Variants in ADAM2 observed in about 807,000 individuals in gnomAD.
ADAM2 encodes the protein disintegrin and metalloproteinase domain-containing protein 2.
A neutral mutation model predicts 99.3 loss-of-function variants in ADAM2; 101 were observed. That is an observed-to-expected ratio of 1.02 (90% CI 0.87 to 1.20). The LOEUF is 1.20. Ranked by LOEUF, ADAM2 falls within the 50% of genes most tolerant of loss-of-function variation. The pLI is 0.00. For missense variants in ADAM2, 948 were observed against 878.7 expected, an observed-to-expected ratio of 1.08 and a Z score of -1.00; for synonymous variants, 323 against 287.6, an observed-to-expected ratio of 1.12 and a Z score of -1.25.
At chr8:39,821,914 T>G (rs1485365836) in intron 4 of ADAM2, among the ~76,000 whole-genome samples, 1 of 152,208 alleles carries the variant, frequency 6.6e-6, no homozygotes, top group Non-Finnish European at 1.5e-5. Flanking sequence ...TTGTTAAGAA[T>G]GAGGTAAACA....
Position 39,788,566 on chromosome 8 carries a change from CCTT to C in ADAM2, c.642+100_642+102del. On this transcript the variant is annotated intron_variant, in intron 8 of 20. Transcript: ENST00000265708. Reference sequence around the variant, plus strand: ...AAAATTTAAAATAAAACTTAATTTCCCTTATGCCACACAACGTGTGGATTCATG... The same window carrying C: ...AAAATTTAAAATAAAACTTAATTTCCATGCCACACAACGTGTGGATTCATG... 7 of 756,848 alleles carry C rather than the reference CCTT, an allele frequency of 9.2e-6. No individual in the cohort carries two copies. In the Admixed American group the frequency reaches 2.1e-4, roughly 23 times the overall value. 46.9% of individuals were successfully genotyped at this position (756,848 alleles called of 1,614,324 possible).
Position 39,836,855 on chromosome 8 carries a change from T to A in ADAM2, c.132+281A>T, listed in dbSNP as rs116217011. Among the ~76,000 whole-genome samples the A allele has an allele frequency of 3.9e-3, 593 of 152,194 alleles. 8 individuals are homozygous for A. Among genetic ancestry groups the A allele is most frequent in the African/African-American group, 0.014 (561 of 41,524 alleles). ...GCCTGAACGGTGAGTGAGAACAGAA[T>A]CTCTAGAACAATCAAGCCAATGATT... On this transcript the variant is annotated intron_variant, in intron 2 of 20. Coordinates refer to ENST00000265708, the MANE Select transcript of ADAM2 (RefSeq NM_001464.5).
intron 3 of ADAM2, among the ~76,000 whole-genome samples, chr8:39,825,779 A>T (rs1304936812): frequency 6.6e-6 from 1 of 152,190 alleles, no homozygotes; most frequent in African/African-American, 2.4e-5. Context: ...AAAAGTCAGA[A>T]AACAATGGAA....
chr8:39,788,212 A>G lies in ADAM2; in HGVS notation c.682T>C (p.Leu228=), dbSNP rs766436527. 4 of 1,566,690 alleles carry G rather than the reference A, an allele frequency of 2.6e-6. No individual in the cohort carries two copies. Among genetic ancestry groups the G allele is most frequent in the African/African-American group, 2.7e-5 (2 of 73,240 alleles). ...SFNITIILSS[L]ELWIDENKIA... ...TTATTTTCATCTATCCAAAGCTCCA[A>G]TGAAGACAGAATAATTGTAATATTA... The change falls in exon 9 of 21, where the codon TTG becomes CTG. Residue 228 remains leucine (L), a synonymous_variant. Coordinates refer to ENST00000265708, the MANE Select transcript of ADAM2 (RefSeq NM_001464.5).
Position 39,770,732 on chromosome 8 carries a change from T to G in ADAM2, c.1029-1157A>C, listed in dbSNP as rs571186763. On this transcript the variant is annotated intron_variant, in intron 11 of 20. Transcript: ENST00000265708. ...GTTTGTACTCCTAATATTTTCAAAT[T>G]CACTACAGGGAAATTCCAACTGCCT... is the stretch of plus-strand genomic sequence containing the variant. Among the ~76,000 whole-genome samples, 11 of 152,324 alleles carry G rather than the reference T, an allele frequency of 7.2e-5. No homozygotes were observed. In the South Asian group the frequency reaches 2.3e-3, roughly 32 times the overall value.
chr8:39,782,135 T>C (rs1480041498), intron 10 of ADAM2, among the ~76,000 whole-genome samples: 1 of 152,220 alleles, frequency 6.6e-6, no homozygotes, highest in Non-Finnish European at 1.5e-5. Context: ...AGCTTCATGA[T>C]CTTAGAATGG....
intron 3 of ADAM2, among the ~76,000 whole-genome samples, chr8:39,832,283 A>G (rs139413843): frequency 1.5e-3 from 225 of 152,268 alleles, no homozygotes; most frequent in Middle Eastern, 3.4e-3. Flanking sequence ...TTTGAAAGTA[A>G]ATATCGTTAT....
chr8:39,825,308 T>C (rs928142702), intron 3 of ADAM2, among the ~76,000 whole-genome samples: 1 of 152,218 alleles, frequency 6.6e-6, no homozygotes, highest in African/African-American at 2.4e-5. Flanking sequence ...TTTTAAACCA[T>C]ACTCTAAATT....
intron 14 of ADAM2, among the ~76,000 whole-genome samples, chr8:39,765,864 T>C (rs1802546449): frequency 6.6e-6 from 1 of 152,250 alleles, no homozygotes; most frequent in South Asian, 2.1e-4. Flanking sequence ...GACTTGCAAC[T>C]TGTTCCAGTT....
At chr8:39,780,684 A>C (rs1034192688) in intron 10 of ADAM2, among the ~76,000 whole-genome samples, 9 of 152,224 alleles carry the variant, frequency 5.9e-5, no homozygotes, top group Admixed American at 4.6e-4. Flanking sequence ...ATATATGTTC[A>C]GGATCATTAT....
chr8:39,787,575 TAA>T (rs1293442657), intron 9 of ADAM2, among the ~76,000 whole-genome samples: 1 of 71,732 alleles, frequency 1.4e-5, no homozygotes, highest in Non-Finnish European at 2.5e-5. Flanking sequence ...TATACACACA[TAA>T]TATATGTATA....
chr8:39,748,664 CACAGGGA>C (rs2129582690), intron 18 of ADAM2, among the ~76,000 whole-genome samples: 1 of 152,268 alleles, frequency 6.6e-6, no homozygotes, highest in East Asian at 1.9e-4. Flanking sequence ...TGATCAATAT[CACAGGGA>C]ACCGCACTGC....
At position 39,780,530 on chromosome 8, in the gene ADAM2, C is replaced by T. The variant is rs149559870; in HGVS notation, c.892-3369G>A. Among the ~76,000 whole-genome samples the T allele has an allele frequency of 8.7e-3, 1,325 of 152,220 alleles. 5 individuals carry two copies. The highest frequency in any genetic ancestry group is 0.013 in the Non-Finnish European group (857 of 68,000). ...CAAAAATCTGCACATTAACCTCTGC[C>T]ACCCAATAATTGCAAACAGCCCAGT... On this transcript the variant is annotated intron_variant, in intron 10 of 20. Transcript: ENST00000265708.
chr8:39,802,869 G>C (rs1358177965), intron 7 of ADAM2, among the ~76,000 whole-genome samples: 4 of 152,078 alleles, frequency 2.6e-5, no homozygotes, highest in Non-Finnish European at 4.4e-5. Flanking sequence ...TTTTTCTTTT[G>C]TTATTTTAGT....
At chr8:39,788,052 G>C in intron 9 of ADAM2, 33 bp downstream of exon 9, 1 of 1,338,480 alleles carries the variant, frequency 7.5e-7, no homozygotes, top group Non-Finnish European at 9.7e-7. Flanking sequence ...ATTTTCTTCA[G>C]ATAAACTTTA....
intron 15 of ADAM2, among the ~76,000 whole-genome samples, chr8:39,759,413 A>T (rs1292004119): frequency 2.0e-5 from 3 of 152,182 alleles, no homozygotes; most frequent in African/African-American, 7.2e-5. Context: ...AACTCTAAAA[A>T]TACATTAGGA....
chr8:39,787,398 G>A (rs956422980), intron 9 of ADAM2, among the ~76,000 whole-genome samples: 1 of 151,332 alleles, frequency 6.6e-6, no homozygotes, highest in African/African-American at 2.4e-5. Flanking sequence ...TTAATGAGCA[G>A]AATCACTCTA....
intron 14 of ADAM2, 60 bp downstream of exon 14, chr8:39,766,788 T>G: frequency 1.8e-6 from 2 of 1,099,482 alleles, no homozygotes; most frequent in Middle Eastern, 2.0e-4. Flanking sequence ...TATCAGCATC[T>G]ATTTCTGTTC....
At chr8:39,785,507 A>C (rs997999919) in intron 10 of ADAM2, among the ~76,000 whole-genome samples, 8 of 152,196 alleles carry the variant, frequency 5.3e-5, no homozygotes, top group Admixed American at 2.0e-4. Flanking sequence ...CAGCAACCCT[A>C]TTACTGGGTA....
Sources: allele counts gnomAD v4.1 joint callset (sites outside exome capture counted in the v4.1 genomes callset), GRCh38; gene constraint gnomAD v4.1.1; transcripts MANE v1.5; gene names NCBI Gene and HGNC (gene_info 2026-07-23, HGNC 2026-07-21).